The following RNF144A variants were observed in gnomAD, a reference collection of about 807,000 sequenced individuals.
RNF144A encodes the protein E3 ubiquitin-protein ligase RNF144A.
In RNF144A, 11 loss-of-function variants were observed where a neutral mutation model predicts 38.7. The observed-to-expected ratio is 0.28, with a 90% CI of 0.18 to 0.47. The LOEUF (loss-of-function observed/expected upper bound fraction) is 0.47. Among genes scored for constraint, RNF144A ranks in the 20% least tolerant of loss-of-function variants. The probability of loss-of-function intolerance (pLI) is 0.99; values close to 1 mark genes in which losing one functional copy is unlikely to be tolerated. For missense variants in RNF144A, 316 were observed against 377.2 expected, an observed-to-expected ratio of 0.84 and a Z score of 1.34; for synonymous variants, 149 against 143.9, an observed-to-expected ratio of 1.04 and a Z score of -0.25.
At chr2:6,933,339 G>A (rs1665326102) in intron 1 of RNF144A, 1 of 152,148 alleles carries the variant, frequency 6.6e-6, no homozygotes, top group Admixed American at 6.5e-5. Flanking sequence ...TATGGAGAAG[G>A]AAGAGCCTCT....
intron 2 of RNF144A, among the ~76,000 whole-genome samples, chr2:6,994,543 A>G (rs1669600651): frequency 6.6e-6 from 1 of 152,212 alleles, no homozygotes; most frequent in Non-Finnish European, 1.5e-5. Context: ...CAAGGTGTAG[A>G]GAAATGATCC....
intron 2 of RNF144A, among the ~76,000 whole-genome samples, chr2:6,960,445 G>T (rs931100766): frequency 1.3e-5 from 2 of 152,196 alleles, no homozygotes; most frequent in Admixed American, 6.5e-5. Flanking sequence ...GTCCACCTGG[G>T]CCCCTGGATG....
At chr2:6,974,668 C>T (rs376237859) in intron 2 of RNF144A, among the ~76,000 whole-genome samples, 5 of 152,082 alleles carry the variant, frequency 3.3e-5, no homozygotes, top group Middle Eastern at 3.4e-3. Flanking sequence ...TTCACATTGC[C>T]GTGAGCTGAC....
chr2:6,952,555 G>T (rs2103315955), intron 2 of RNF144A, among the ~76,000 whole-genome samples: 1 of 150,494 alleles, frequency 6.6e-6, no homozygotes, highest in African/African-American at 2.4e-5. Context: ...AAAATTATTT[G>T]CACTCATTTC....
intron 2 of RNF144A, among the ~76,000 whole-genome samples, chr2:6,966,581 A>G (rs564090635): frequency 1.4e-4 from 22 of 152,234 alleles, no homozygotes; most frequent in Non-Finnish European, 2.9e-4. Context: ...GCAGCCCACT[A>G]TAAAAAGAAT....
At position 6,958,670 on chromosome 2, in the gene RNF144A, G is replaced by A. The variant is rs1667153255; in HGVS notation, c.-12+17523G>A. Among the ~76,000 whole-genome samples, 1 of 152,156 alleles carries A rather than the reference G, an allele frequency of 6.6e-6. No homozygotes were observed. The highest frequency in any genetic ancestry group is 1.5e-5 in the Non-Finnish European group (1 of 68,034). On this transcript the variant is annotated intron_variant, in intron 2 of 8. Transcript: ENST00000320892. This position sits in a 1 kb window ranked among gnomAD's most constrained non-coding sequence, Gnocchi z 4.5. The stretch of plus-strand genomic sequence containing the variant: ...GAAGGTTCAGTGTTCATGATTCTGG[G>A]GGACTGTCCACGTGACCGTAATCTA...
At chr2:7,028,679 A>G (rs568741334) in intron 7 of RNF144A, among the ~76,000 whole-genome samples, 1 of 152,364 alleles carries the variant, frequency 6.6e-6, no homozygotes, top group South Asian at 2.1e-4. Flanking sequence ...GTGTAAATTA[A>G]TGTCAGCGCA....
intron 8 of RNF144A, among the ~76,000 whole-genome samples, chr2:7,038,238 C>T (rs1672810218): frequency 4.6e-5 from 7 of 152,234 alleles, no homozygotes; most frequent in Admixed American, 4.6e-4. Flanking sequence ...GTCGGAAATG[C>T]ACTATTCCAG....
chr2:6,952,729 T>C (rs990109569), intron 2 of RNF144A, among the ~76,000 whole-genome samples: 7 of 151,950 alleles, frequency 4.6e-5, no homozygotes, highest in African/African-American at 1.7e-4. Context: ...CACACATATA[T>C]ATGTTTTAGA....
intron 2 of RNF144A, among the ~76,000 whole-genome samples, chr2:6,950,375 T>C (rs528036056): frequency 1.4e-4 from 22 of 152,378 alleles, no homozygotes; most frequent in Non-Finnish European, 2.9e-4. Context: ...CTGCATTTAT[T>C]CATTTCATGT....
rs140168859 is a variant in RNF144A at position 7,043,302 on chromosome 2, T to A, written c.*3542T>A. The A allele has an allele frequency of 3.7e-3, 3,680 of 985,196 alleles. 12 individuals carry two copies. Among genetic ancestry groups the A allele is most frequent in the Middle Eastern group, 5.2e-3 (10 of 1,912 alleles). The allele number at this position is 985,196 out of a possible 1,614,324, so 61.0% of individuals were successfully genotyped here. A position where few individuals can be genotyped will look rare whatever the true frequency, so the allele number is the denominator to read the frequency against. On this transcript the variant is annotated 3_prime_UTR_variant, in exon 9 of 9. Coordinates refer to ENST00000320892, the MANE Select transcript of RNF144A (RefSeq NM_014746.6). ...CAGAGATGCAAAAATTACTTCAAGA[T>A]GAGTTTATTGTTTTCATTTGTATTG...
chr2:7,049,943 G>A (rs181269509), intron 6 of RNF144A, among the ~76,000 whole-genome samples: 56 of 152,322 alleles, frequency 3.7e-4, no homozygotes, highest in African/African-American at 1.3e-3. Flanking sequence ...CCAGGGGCAG[G>A]ATGTGTGATG....
At chr2:7,034,149 A>G (rs1014440759) in intron 8 of RNF144A, among the ~76,000 whole-genome samples, 1 of 152,162 alleles carries the variant, frequency 6.6e-6, no homozygotes, top group African/African-American at 2.4e-5. Context: ...AGGGAGGGAC[A>G]GGAGTAACAC....
At chr2:6,952,611 A>G (rs1666756809) in intron 2 of RNF144A, among the ~76,000 whole-genome samples, 1 of 150,200 alleles carries the variant, frequency 6.7e-6, no homozygotes, top group Non-Finnish European at 1.5e-5. Context: ...TATATGTTAT[A>G]TATAAAAAAG....
chr2:7,008,352 C>G (rs909723944), intron 3 of RNF144A, among the ~76,000 whole-genome samples: 1 of 152,242 alleles, frequency 6.6e-6, no homozygotes, highest in Non-Finnish European at 1.5e-5. Flanking sequence ...CAGGTTGTGC[C>G]CAGTCCCTTA....
At chr2:7,060,754 GC>G (rs1386357032) in intron 6 of RNF144A, among the ~76,000 whole-genome samples, 3 of 152,234 alleles carry the variant, frequency 2.0e-5, no homozygotes, top group East Asian at 3.9e-4. Flanking sequence ...CCACTCAGAT[GC>G]CCCATCTTAC....
At chr2:6,934,822 C>A (rs1462642662) in intron 1 of RNF144A, among the ~76,000 whole-genome samples, 3 of 152,202 alleles carry the variant, frequency 2.0e-5, no homozygotes, top group African/African-American at 7.2e-5. Context: ...TGCCACTGAC[C>A]AGCTATCTGA....
intron 2 of RNF144A, among the ~76,000 whole-genome samples, chr2:6,970,757 C>T (rs1203233667): frequency 7.9e-5 from 12 of 152,176 alleles, no homozygotes; most frequent in Non-Finnish European, 1.5e-5. Flanking sequence ...ACCAGCTTCA[C>T]CAGGCAGTGA....
rs1184125231 is a variant in RNF144A, at chr2:6,993,616, G to C, written c.-11-3300G>C. Among the ~76,000 whole-genome samples the C allele has an allele frequency of 2.6e-5, 4 of 152,292 alleles. No homozygotes were observed. In the South Asian group the frequency reaches 8.3e-4, roughly 32 times the overall value. On this transcript the variant is annotated intron_variant, in intron 2 of 8. Transcript: ENST00000320892. Reference sequence around the variant, plus strand: ...CCAGGGCCCTCTGTGGAGCGGTTAAGCTCTGCCTCTGGGTAATGCGTTCTC... The same window carrying C: ...CCAGGGCCCTCTGTGGAGCGGTTAACCTCTGCCTCTGGGTAATGCGTTCTC...
Sources: gnomAD v4.1 joint callset for allele counts (sites outside exome capture counted in the v4.1 genomes callset) on GRCh38, gnomAD v4.1.1 for gene constraint, Gnocchi (gnomAD v3.1) non-coding constraint, MANE v1.5 for transcripts, NCBI Gene and HGNC (gene_info 2026-07-23, HGNC 2026-07-21) for gene names.